WNT3: variants seen among roughly 807,000 people sequenced by gnomAD.
WNT3 encodes proto-oncogene Wnt-3.
A neutral mutation model predicts 34.2 loss-of-function variants in WNT3; 7 were observed. The ratio of observed to expected loss-of-function variants is 0.20; its 90% CI spans 0.12 to 0.38. The LOEUF (loss-of-function observed/expected upper bound fraction) is 0.38, where lower values mean the gene tolerates loss of function less well. Ranked by LOEUF, WNT3 falls within the 10% of genes least tolerant of loss-of-function variation. The pLI, the probability that WNT3 is intolerant of heterozygous loss-of-function variation, is 1.00. For missense variants in WNT3, 267 were observed against 499.8 expected, an observed-to-expected ratio of 0.53 and a Z score of 4.44; for synonymous variants, 212 against 211.5, an observed-to-expected ratio of 1.00 and a Z score of -0.02.
Position 46,770,067 on chromosome 17 carries a change from G to GA in WNT3, c.323-20dup. ...CGGGTGGCTGCGGGGAGGTCGTGGGGAGGCAGCACTCAGGACCCGGCCTGG... is the reference window on the plus strand; with the variant it reads ...CGGGTGGCTGCGGGGAGGTCGTGGGGAAGGCAGCACTCAGGACCCGGCCTGG... On this transcript the variant is annotated intron_variant, in intron 2 of 4. Transcript: ENST00000225512. 6.5e-7 allele frequency: 1 copy of GA among 1,530,988 alleles called. No homozygotes were observed. The allele number at this position is 1,530,988 out of a possible 1,614,324, so 94.8% of individuals were successfully genotyped here.
chr17:46,795,751 G>C lies in WNT3; in HGVS notation c.81-21842C>G, dbSNP rs567382509. Reference sequence around the variant, plus strand: ...GCAGTCTCAAAGCCAGCCCCACCCGGGGATCTCTGTCTTCCTTGGTCTGTC... The same window carrying C: ...GCAGTCTCAAAGCCAGCCCCACCCGCGGATCTCTGTCTTCCTTGGTCTGTC... On this transcript the variant is annotated intron_variant, in intron 1 of 4. Coordinates refer to ENST00000225512, the MANE Select transcript of WNT3 (RefSeq NM_030753.5). 1.1e-4 allele frequency among the ~76,000 whole-genome samples: 17 copies of C among 152,254 alleles called. No homozygotes were observed. The East Asian group carries it at 3.3e-3, about 29-fold the overall frequency.
intron 1 of WNT3, among the ~76,000 whole-genome samples, chr17:46,816,924 C>G (rs1756228347): frequency 6.6e-6 from 1 of 152,318 alleles, no homozygotes; most frequent in African/African-American, 2.4e-5. Context: ...CAGCCTTTCC[C>G]CAGACTGGCC....
intron 1 of WNT3, among the ~76,000 whole-genome samples, chr17:46,798,074 G>A (rs1174442232): frequency 7.9e-5 from 12 of 152,036 alleles, no homozygotes; most frequent in East Asian, 3.9e-4. Context: ...GACCACAGGC[G>A]TGTGCTAACA....
At chr17:46,781,341 T>C (rs1476898381) in intron 1 of WNT3, among the ~76,000 whole-genome samples, 4 of 151,100 alleles carry the variant, frequency 2.6e-5, no homozygotes, top group South Asian at 2.1e-4. Flanking sequence ...GAACAAATAC[T>C]GTATGATTTC....
Position 46,768,338 on chromosome 17 carries a change from G to A in WNT3, c.1050C>T (p.Asp350=), listed in dbSNP as rs753272527. The A allele has an allele frequency of 1.9e-6, 3 of 1,613,718 alleles. No homozygotes were observed. Among genetic ancestry groups the A allele is most frequent in the Non-Finnish European group, 2.5e-6 (3 of 1,180,034 alleles). ...VSCQECIRIY[D]VHTCK ...TGGTGCCCTACTTGCAGGTGTGCACGTCGTAGATGCGAATACACTCCTGGC... is the reference window on the plus strand; with the variant it reads ...TGGTGCCCTACTTGCAGGTGTGCACATCGTAGATGCGAATACACTCCTGGC... Residue 350 remains aspartate, a synonymous_variant, in exon 4 of 5, where the codon GAC becomes GAT. Coordinates refer to ENST00000225512, the MANE Select transcript of WNT3 (RefSeq NM_030753.5). The surrounding 1 kb of genome is among the most constrained non-coding windows in gnomAD (Gnocchi z 5.0).
chr17:46,779,566 A>G (rs199513), intron 1 of WNT3, among the ~76,000 whole-genome samples: 127,924 of 152,196 alleles, frequency 0.84, 54,074 homozygotes, highest in East Asian at 1. Context: ...CCTGCACAAC[A>G]GGCTGCTTGT....
At chr17:46,780,046 C>CT (rs1387354251) in intron 1 of WNT3, among the ~76,000 whole-genome samples, 2 of 152,204 alleles carry the variant, frequency 1.3e-5, no homozygotes, top group Non-Finnish European at 2.9e-5. Context: ...CGTAAGCCAC[C>CT]ATGCCTGGCC....
chr17:46,818,468 CG>C, intron 1 of WNT3, 49 bp downstream of exon 1: 1 of 1,559,440 alleles, frequency 6.4e-7, no homozygotes, highest in Non-Finnish European at 8.7e-7. Flanking sequence ...CCACCTTCCC[CG>C]GACGCGGCGG....
At chr17:46,797,140 A>G (rs1467850537) in intron 1 of WNT3, among the ~76,000 whole-genome samples, 1 of 152,230 alleles carries the variant, frequency 6.6e-6, no homozygotes, top group Middle Eastern at 3.2e-3. Flanking sequence ...TTCAAATGAG[A>G]ACAATAAACA....
chr17:46,810,853 A>T (rs1041160477), intron 1 of WNT3, among the ~76,000 whole-genome samples: 1 of 152,090 alleles, frequency 6.6e-6, no homozygotes, highest in Non-Finnish European at 1.5e-5. Context: ...GCCTAATATC[A>T]AGATGGTGGC....
In WNT3 at chr17:46,773,891, C is replaced by T; in HGVS notation, c.99G>A (p.Gln33=). The change falls in exon 2 of 5, where the codon CAG becomes CAA. Residue 33 remains glutamine (Q), a synonymous_variant. Coordinates refer to ENST00000225512, the MANE Select transcript of WNT3 (RefSeq NM_030753.5). ...GCTGTGAGCCCAGAGATGTGTACTG[C>T]TGGCCCAGGGCCAGGGACCTGCAGG... ...YPIWWSLALG[Q]QYTSLGSQPL... The T allele has an allele frequency of 1.9e-6, 3 of 1,612,042 alleles. No homozygotes were observed. The highest frequency in any genetic ancestry group is 2.5e-6 in the Non-Finnish European group (3 of 1,179,942).
chr17:46,791,230 C>A (rs1291436458), intron 1 of WNT3, among the ~76,000 whole-genome samples: 1 of 148,884 alleles, frequency 6.7e-6, no homozygotes, highest in Non-Finnish European at 1.5e-5. Context: ...TTTTTTTTTT[C>A]TGAGACAGAG....
intron 1 of WNT3, among the ~76,000 whole-genome samples, chr17:46,813,479 G>T (rs1568098890): frequency 6.7e-6 from 1 of 150,176 alleles, no homozygotes; most frequent in Non-Finnish European, 1.5e-5. Context: ...GCGGGGGGTG[G>T]GGGTGGGGCT....
chr17:46,774,174 T>C (rs1054786798), intron 1 of WNT3, among the ~76,000 whole-genome samples: 1 of 152,316 alleles, frequency 6.6e-6, no homozygotes, highest in Non-Finnish European at 1.5e-5. Flanking sequence ...TTGGGGGCAA[T>C]GCAAAGCCAT....
At chr17:46,784,777 CTTT>C (rs138267924) in intron 1 of WNT3, among the ~76,000 whole-genome samples, 160 of 129,262 alleles carry the variant, frequency 1.2e-3, no homozygotes, top group Non-Finnish European at 1.4e-3. Flanking sequence ...TTTTGCTTTT[CTTT>C]TTTTTTTTTT....
At chr17:46,775,139 C>T (rs1459801203) in intron 1 of WNT3, among the ~76,000 whole-genome samples, 1 of 152,242 alleles carries the variant, frequency 6.6e-6, no homozygotes, top group Admixed American at 6.5e-5. Flanking sequence ...CCGAGCCAAA[C>T]ATCTGCCATT....
chr17:46,787,655 G>A (rs2059520286), intron 1 of WNT3, among the ~76,000 whole-genome samples: 1 of 152,198 alleles, frequency 6.6e-6, no homozygotes, highest in Admixed American at 6.5e-5. Context: ...TGCCCAAGAT[G>A]TATGAGATGT....
chr17:46,768,503 T>G lies in WNT3; in HGVS notation c.885A>C (p.Thr295=). 1 of 1,614,154 alleles carries G rather than the reference T, an allele frequency of 6.2e-7. No homozygotes were observed. The highest frequency in any genetic ancestry group is 1.7e-5 in the Admixed American group (1 of 60,032). Residue 295 remains threonine (T), a synonymous_variant, in exon 4 of 5, where the codon ACA becomes ACC. Transcript: ENST00000225512. This position sits in a 1 kb window ranked among gnomAD's most constrained non-coding sequence, Gnocchi z 5.0. ...AGGTGACATTGCAAGTCCGGTCCCT[T>G]GTGCCAAAGGAACCCGTCTCTGGGT... ...EPNPETGSFG[T]RDRTCNVTSH... is the part of the protein sequence containing the mutation.
chr17:46,810,974 A>T (rs1297579450), intron 1 of WNT3, among the ~76,000 whole-genome samples: 1 of 152,016 alleles, frequency 6.6e-6, no homozygotes, highest in African/African-American at 2.4e-5. Flanking sequence ...CCCTAGATGT[A>T]TGGGTGTGCC....
Sources: allele counts gnomAD v4.1 joint callset (sites outside exome capture counted in the v4.1 genomes callset), GRCh38; gene constraint gnomAD v4.1.1; non-coding constraint Gnocchi (gnomAD v3.1); transcripts MANE v1.5; gene names NCBI Gene and HGNC (gene_info 2026-07-23, HGNC 2026-07-21).